Variants in SLCO3A1 observed in about 807,000 individuals in gnomAD.
SLCO3A1 encodes PGE1 transporter.
A neutral mutation model predicts 63.1 loss-of-function variants in SLCO3A1; 27 were observed. The ratio of observed to expected loss-of-function variants is 0.43; its 90% CI spans 0.32 to 0.59. The LOEUF (loss-of-function observed/expected upper bound fraction) is 0.59, where lower values mean the gene tolerates loss of function less well. SLCO3A1 is among the 20% of genes least tolerant of loss of function. The probability of loss-of-function intolerance (pLI) is 0.09; values close to 1 mark genes in which losing one functional copy is unlikely to be tolerated. For synonymous variants in SLCO3A1, 473 were observed against 409.9 expected (o/e 1.15, Z -1.86); for missense variants, 773 against 945.8 (o/e 0.82, Z 2.40).
rs1362366734 is a variant in SLCO3A1 at position 91,954,404 on chromosome 15, G to C, written c.646+37946G>C. 6.6e-6 allele frequency among the ~76,000 whole-genome samples: 1 copy of C among 152,224 alleles called. No individual in the cohort carries two copies. The highest frequency in any genetic ancestry group is 1.5e-5 in the Non-Finnish European group (1 of 68,042). On this transcript the variant is annotated intron_variant, in intron 2 of 9. Transcript: ENST00000318445. This position sits in a 1 kb window ranked among gnomAD's most constrained non-coding sequence, Gnocchi z 4.7. The stretch of plus-strand genomic sequence containing the variant: ...GGCGGAGACGGGCGGGTACTGCACA[G>C]AGTGAGGCAGTCAGAAGTCCTGCCC...
chr15:92,063,335 G>A (rs2047109392), intron 2 of SLCO3A1, among the ~76,000 whole-genome samples: 1 of 152,130 alleles, frequency 6.6e-6, no homozygotes, highest in Non-Finnish European at 1.5e-5. Flanking sequence ...TCGGTGTAAT[G>A]GCATGGTGTA....
At chr15:91,889,435 G>A (rs1347056292) in intron 1 of SLCO3A1, among the ~76,000 whole-genome samples, 1 of 152,188 alleles carries the variant, frequency 6.6e-6, no homozygotes, top group East Asian at 1.9e-4. Flanking sequence ...CTTTGGTAGT[G>A]GGCAGTAAGA....
rs114263338 is a variant in SLCO3A1, at chr15:91,856,003, C to T, written c.180+1915C>T. Among the ~76,000 whole-genome samples, 607 of 152,070 alleles carry T rather than the reference C, an allele frequency of 4.0e-3. 2 individuals carry two copies. The highest frequency in any genetic ancestry group is 0.013 in the African/African-American group (555 of 41,452). On this transcript the variant is annotated intron_variant, in intron 1 of 9. Transcript: ENST00000318445. The surrounding 1 kb of genome is among the most constrained non-coding windows in gnomAD (Gnocchi z 4.9). ...CTAAGGATTTGACAAATAAATGAAGCTGGGCTGCAACTAGATGAATGGCCT... is the reference window on the plus strand; with the variant it reads ...CTAAGGATTTGACAAATAAATGAAGTTGGGCTGCAACTAGATGAATGGCCT...
intron 2 of SLCO3A1, among the ~76,000 whole-genome samples, chr15:91,991,282 C>G (rs1396190100): frequency 1.3e-5 from 2 of 152,096 alleles, no homozygotes; most frequent in Admixed American, 1.3e-4. Context: ...TGGGGGATCA[C>G]TTGAACCCAG....
At chr15:92,084,814 G>C (rs1432998292) in intron 2 of SLCO3A1, among the ~76,000 whole-genome samples, 1 of 152,156 alleles carries the variant, frequency 6.6e-6, no homozygotes, top group Non-Finnish European at 1.5e-5. Flanking sequence ...CACATGGAAG[G>C]GTCAACATTT....
chr15:91,863,314 C>CA lies in SLCO3A1; in HGVS notation c.180+9227dup, dbSNP rs1430446707. Among the ~76,000 whole-genome samples the CA allele has an allele frequency of 6.6e-6, 1 of 152,244 alleles. No individual in the cohort carries two copies. The highest frequency in any genetic ancestry group is 2.4e-5 in the African/African-American group (1 of 41,470). On this transcript the variant is annotated intron_variant, in intron 1 of 9. Transcript: ENST00000318445. The surrounding 1 kb of genome is among the most constrained non-coding windows in gnomAD (Gnocchi z 4.3). ...CCAGCTCCCCTTCTCTCCAGGGGTACAGGAGGCTTGTCCTGGGTCTGTGGT... is the reference window on the plus strand; with the variant it reads ...CCAGCTCCCCTTCTCTCCAGGGGTACAAGGAGGCTTGTCCTGGGTCTGTGGT...
At chr15:92,038,924 G>C (rs941699862) in intron 2 of SLCO3A1, among the ~76,000 whole-genome samples, 1 of 152,152 alleles carries the variant, frequency 6.6e-6, no homozygotes, top group Non-Finnish European at 1.5e-5. Context: ...CAATGGAACA[G>C]AACAGAGACC....
At chr15:91,966,140 C>T (rs994526714) in intron 2 of SLCO3A1, among the ~76,000 whole-genome samples, 1 of 152,210 alleles carries the variant, frequency 6.6e-6, no homozygotes, top group African/African-American at 2.4e-5. Flanking sequence ...AAGGTTGAGT[C>T]GAGATAGGTT....
At chr15:92,088,838 G>A (rs966683465) in intron 2 of SLCO3A1, among the ~76,000 whole-genome samples, 4 of 151,980 alleles carry the variant, frequency 2.6e-5, no homozygotes, top group Admixed American at 2.6e-4. Flanking sequence ...TGCCTATGGG[G>A]ACTCTGCAGT....
chr15:91,980,584 A>T (rs914790357), intron 2 of SLCO3A1, among the ~76,000 whole-genome samples: 13 of 152,094 alleles, frequency 8.5e-5, no homozygotes, highest in African/African-American at 3.1e-4. Flanking sequence ...CTCCTCGACT[A>T]TAAATCCCTT....
intron 5 of SLCO3A1, among the ~76,000 whole-genome samples, chr15:92,123,118 A>G (rs544956466): frequency 1.4e-4 from 22 of 152,290 alleles, no homozygotes; most frequent in African/African-American, 5.1e-4. Context: ...AGGACATAAC[A>G]TATCTCAGTT....
At position 92,128,429 on chromosome 15, in the gene SLCO3A1, A is replaced by G; in HGVS notation, c.1452A>G (p.Pro484=). The change falls in exon 7 of 10, where the codon CCA becomes CCG. Residue 484 remains proline, a synonymous_variant. Transcript: ENST00000318445. ...NCECQTDSFT[P]VCGADGITYL... is the part of the protein sequence containing the mutation. ...AATGCCAAACCGATTCCTTCACTCC[A>G]GTGTGTGGGGCAGATGGCATCACCT... is the stretch of plus-strand genomic sequence containing the variant. 1.2e-6 allele frequency: 2 copies of G among 1,613,944 alleles called. No individual in the cohort carries two copies. Among genetic ancestry groups the G allele is most frequent in the Admixed American group, 1.7e-5 (1 of 60,006 alleles).
At chr15:92,023,518 G>C (rs1463025088) in intron 2 of SLCO3A1, among the ~76,000 whole-genome samples, 1 of 151,790 alleles carries the variant, frequency 6.6e-6, no homozygotes, top group Non-Finnish European at 1.5e-5. Flanking sequence ...CACCAGGCTG[G>C]AGTGCAGTGG....
chr15:92,151,835 T>C (rs2048309908), intron 9 of SLCO3A1, among the ~76,000 whole-genome samples: 1 of 152,230 alleles, frequency 6.6e-6, no homozygotes, highest in South Asian at 2.1e-4. Flanking sequence ...AGAGTAGAAA[T>C]AAAATTCCTC....
Position 91,941,415 on chromosome 15 carries a change from A to T in SLCO3A1, c.646+24957A>T, listed in dbSNP as rs1157492731. The T allele has an allele frequency of 2.5e-6, 1 of 406,474 alleles. No individual in the cohort carries two copies. Among genetic ancestry groups the T allele is most frequent in the Non-Finnish European group, 4.9e-6 (1 of 204,838 alleles). The allele number at this position is 406,474 out of a possible 1,614,324, so 25.2% of individuals were successfully genotyped here. A position where few individuals can be genotyped will look rare whatever the true frequency, so the allele number is the denominator to read the frequency against. ...CCACCCAGCAGATCTGTGTCACGGGAGTGGCGCTGTCACTCGTTGAGGTGG... is the reference window on the plus strand; with the variant it reads ...CCACCCAGCAGATCTGTGTCACGGGTGTGGCGCTGTCACTCGTTGAGGTGG... On this transcript the variant is annotated intron_variant, in intron 2 of 9. Transcript: ENST00000318445. The surrounding 1 kb of genome is among the most constrained non-coding windows in gnomAD (Gnocchi z 4.4).
At chr15:92,104,184 C>A in intron 3 of SLCO3A1, 95 bp from the exon 4 acceptor site, 5 of 1,424,974 alleles carry the variant, frequency 3.5e-6, no homozygotes, top group Non-Finnish European at 4.8e-6. Flanking sequence ...TTCTAGAGCC[C>A]TTGCCCTCTC....
chr15:92,084,978 G>A (rs1365216318), intron 2 of SLCO3A1, among the ~76,000 whole-genome samples: 1 of 152,222 alleles, frequency 6.6e-6, no homozygotes. Flanking sequence ...TGGAGCATCA[G>A]TGGAAACTGA....
At chr15:91,929,879 T>C (rs1420364581) in intron 2 of SLCO3A1, among the ~76,000 whole-genome samples, 1 of 152,190 alleles carries the variant, frequency 6.6e-6, no homozygotes, top group African/African-American at 2.4e-5. Context: ...TTCCTTCCTA[T>C]GTATATTATA....
chr15:91,888,941 T>C (rs1215566912), intron 1 of SLCO3A1, among the ~76,000 whole-genome samples: 1 of 147,980 alleles, frequency 6.8e-6, no homozygotes, highest in Non-Finnish European at 1.5e-5. Context: ...CCCAGGAGCA[T>C]AAGGTTTCGG....
Sources: allele counts gnomAD v4.1 joint callset (sites outside exome capture counted in the v4.1 genomes callset), GRCh38; gene constraint gnomAD v4.1.1; non-coding constraint Gnocchi (gnomAD v3.1); transcripts MANE v1.5; gene names NCBI Gene and HGNC (gene_info 2026-07-23, HGNC 2026-07-21).